Variants in PARD3B observed in about 807,000 individuals in gnomAD.
The protein encoded by PARD3B is par-3 family cell polarity regulator beta.
PARD3B carries 103 observed loss-of-function variants against 130.2 expected under a neutral mutation model. The ratio of observed to expected loss-of-function variants is 0.79; its 90% confidence interval spans 0.67 to 0.93. PARD3B has a LOEUF of 0.93. Ranked by LOEUF, PARD3B falls within the 40% of genes least tolerant of loss-of-function variation. PARD3B has a pLI of 0.00. For synonymous variants in PARD3B, 583 were observed against 553.2 expected (o/e 1.05, Z -0.76); for missense variants, 1,609 against 1,499.2 (o/e 1.07, Z -1.21).
rs184918472 is a variant in PARD3B, at chr2:204,843,425, C to T, written c.223-121727C>T. On this transcript the variant is annotated intron_variant, in intron 2 of 22. Coordinates refer to ENST00000406610, the MANE Select transcript of PARD3B (RefSeq NM_001302769.2). ...TCCTCTCCTTTTTCTTTTTTTTCTC[C>T]ATTGCCCTGGCTGAGGTACAGTGGC... 6.5e-4 allele frequency among the ~76,000 whole-genome samples: 98 copies of T among 151,622 alleles called. 1 individual carries two copies. The highest frequency in any genetic ancestry group is 3.7e-3 in the Admixed American group (56 of 15,238).
intron 4 of PARD3B, among the ~76,000 whole-genome samples, chr2:205,089,146 C>CTTTTTTT (rs34517258): frequency 7.0e-6 from 1 of 143,266 alleles, no homozygotes; most frequent in South Asian, 2.2e-4. Flanking sequence ...TTTTTTCTTT[C>CTTTTTTT]TTTTTTTTTT....
chr2:204,606,654 T>C lies in PARD3B; in HGVS notation c.120+60535T>C, dbSNP rs1439118232. Reference sequence around the variant, plus strand: ...TCAACCATTTATGAAGAAGCTCCAGTGGCTACCACAGATGACGCACTGGTC... The same window carrying C: ...TCAACCATTTATGAAGAAGCTCCAGCGGCTACCACAGATGACGCACTGGTC... On this transcript the variant is annotated intron_variant, in intron 1 of 22. Transcript: ENST00000406610. This position sits in a 1 kb window ranked among gnomAD's most constrained non-coding sequence, Gnocchi z 4.0. Among the ~76,000 whole-genome samples, 1 of 152,148 alleles carries C rather than the reference T, an allele frequency of 6.6e-6. No individual in the cohort carries two copies. The highest frequency in any genetic ancestry group is 2.4e-5 in the African/African-American group (1 of 41,446).
intron 4 of PARD3B, among the ~76,000 whole-genome samples, chr2:205,059,124 G>A (rs934128444): frequency 1.3e-5 from 2 of 151,810 alleles, no homozygotes; most frequent in African/African-American, 4.8e-5. Context: ...TTAGATAAGG[G>A]TCCAACTTCA....
In PARD3B at chr2:205,253,890, TAAG is replaced by T. The variant is rs1328812554; in HGVS notation, c.2185+8071_2185+8073del. On this transcript the variant is annotated intron_variant, in intron 16 of 22. Coordinates refer to ENST00000406610, the MANE Select transcript of PARD3B (RefSeq NM_001302769.2). The surrounding 1 kb of genome is among the most constrained non-coding windows in gnomAD (Gnocchi z 4.4). ...TCATAGTGGAGAACTGCATTTCAATTAAGAAAACAAAAACAAAAACACCACAGA... is the reference window on the plus strand; with the variant it reads ...TCATAGTGGAGAACTGCATTTCAATTAAAACAAAAACAAAAACACCACAGA... Among the ~76,000 whole-genome samples, 1 of 151,856 alleles carries T rather than the reference TAAG, an allele frequency of 6.6e-6. No individual in the cohort carries two copies. The highest frequency in any genetic ancestry group is 2.4e-5 in the African/African-American group (1 of 41,360).
In PARD3B at chr2:205,198,350, C is replaced by T. The variant is rs188700698; in HGVS notation, c.2140+5030C>T. ...TTCAGACGAAATTTTAGGAAGTTTCCTGACAATGAAGATTGTTAACATTCC... is the reference window on the plus strand; with the variant it reads ...TTCAGACGAAATTTTAGGAAGTTTCTTGACAATGAAGATTGTTAACATTCC... On this transcript the variant is annotated intron_variant, in intron 15 of 22. Coordinates refer to ENST00000406610, the MANE Select transcript of PARD3B (RefSeq NM_001302769.2). 8.5e-5 allele frequency among the ~76,000 whole-genome samples: 13 copies of T among 152,232 alleles called. No homozygotes were observed. The East Asian group carries it at 2.3e-3, about 27-fold the overall frequency.
Position 205,193,298 on chromosome 2 carries a change from A to T in PARD3B, c.2118A>T (p.Lys706Asn). 1 of 1,610,710 alleles carries T rather than the reference A, an allele frequency of 6.2e-7. No individual in the cohort carries two copies. Among genetic ancestry groups the T allele is most frequent in the South Asian group, 1.1e-5 (1 of 91,008 alleles). Reference protein sequence around the residue: ...PARQPESINLKASKSMDLVPD... With the variant: ...PARQPESINLNASKSMDLVPD... ...GGCAGCCTGAATCAATTAATTTGAA[A>T]GCCTCGAAGAGCATGGACCTTGGTA... is the stretch of plus-strand genomic sequence containing the variant. Residue 706 changes from lysine to asparagine, a missense_variant, in exon 15 of 23, where the codon AAA becomes AAT. Coordinates refer to ENST00000406610, the MANE Select transcript of PARD3B (RefSeq NM_001302769.2).
chr2:205,177,276 G>A (rs1279948778), intron 13 of PARD3B, among the ~76,000 whole-genome samples: 1 of 151,784 alleles, frequency 6.6e-6, no homozygotes, highest in Non-Finnish European at 1.5e-5. Flanking sequence ...AGAAAATTTA[G>A]AGAAAAGAAA....
At chr2:205,149,432 GTT>G (rs1351294650) in intron 10 of PARD3B, among the ~76,000 whole-genome samples, 1 of 152,098 alleles carries the variant, frequency 6.6e-6, no homozygotes, top group Non-Finnish European at 1.5e-5. Context: ...GTACCAATAA[GTT>G]TGTTTTCTAC....
intron 18 of PARD3B, among the ~76,000 whole-genome samples, chr2:205,320,541 T>C (rs1193299787): frequency 6.6e-6 from 1 of 152,200 alleles, no homozygotes; most frequent in African/African-American, 2.4e-5. Flanking sequence ...ATAGACTGTT[T>C]AACAATAATA....
At position 204,677,120 on chromosome 2, in the gene PARD3B, C is replaced by T. The variant is rs150222201; in HGVS notation, c.121-9061C>T. 1.3e-5 allele frequency among the ~76,000 whole-genome samples: 2 copies of T among 152,260 alleles called. No homozygotes were observed. The highest frequency in any genetic ancestry group is 4.1e-4 in the South Asian group (2 of 4,834). ...GGAGATCTCCTATGGTCATTTAACT[C>T]TCTGCTGTTACCTCTGTTGTCTCAG... On this transcript the variant is annotated intron_variant, in intron 1 of 22. Coordinates refer to ENST00000406610, the MANE Select transcript of PARD3B (RefSeq NM_001302769.2). The surrounding 1 kb of genome is among the most constrained non-coding windows in gnomAD (Gnocchi z 4.1).
At chr2:205,574,870 A>T (rs6743833) in intron 22 of PARD3B, among the ~76,000 whole-genome samples, 3 of 150,622 alleles carry the variant, frequency 2.0e-5, no homozygotes, top group African/African-American at 7.3e-5. Context: ...AAAAAAAAAA[A>T]AAAGAAAGAA....
rs139024591 is a variant in PARD3B, at chr2:205,568,732, C to T, written c.3260+15329C>T. On this transcript the variant is annotated intron_variant, in intron 22 of 22. Coordinates refer to ENST00000406610, the MANE Select transcript of PARD3B (RefSeq NM_001302769.2). The surrounding 1 kb of genome is among the most constrained non-coding windows in gnomAD (Gnocchi z 5.3). ...AACTTGGCCAAACTCAGGGATTCGT[C>T]AGATGGCCCTGGTCGTGTGTCTTCC... Among the ~76,000 whole-genome samples, 6 of 152,304 alleles carry T rather than the reference C, an allele frequency of 3.9e-5. No individual in the cohort carries two copies. The highest frequency in any genetic ancestry group is 8.8e-5 in the Non-Finnish European group (6 of 68,036).
intron 18 of PARD3B, among the ~76,000 whole-genome samples, chr2:205,383,842 A>C (rs994009646): frequency 2.0e-5 from 3 of 152,046 alleles, no homozygotes; most frequent in Non-Finnish European, 4.4e-5. Flanking sequence ...CATTAGCAAA[A>C]TGTACTTGGT....
chr2:205,538,474 C>T (rs1387439061), intron 21 of PARD3B, among the ~76,000 whole-genome samples: 3 of 139,526 alleles, frequency 2.2e-5, no homozygotes, highest in African/African-American at 3.1e-5. Context: ...CGTGTGTGTA[C>T]ACACACACAC....
At chr2:205,150,252 T>TGTGTGTGTGTGTGCGCGC (rs375301293) in intron 10 of PARD3B, among the ~76,000 whole-genome samples, 46 of 145,880 alleles carry the variant, frequency 3.2e-4, no homozygotes, top group African/African-American at 1.1e-3. Context: ...TGTGTGTGTG[T>TGTGTGTGTGTGTGCGCGC]GCACACACGC....
intron 3 of PARD3B, among the ~76,000 whole-genome samples, chr2:205,030,986 T>G (rs1336036136): frequency 6.6e-6 from 1 of 152,184 alleles, no homozygotes; most frequent in African/African-American, 2.4e-5. Flanking sequence ...ATTTTTCTCT[T>G]TGAAGACCAT....
chr2:205,150,211 CTGTGTGTGTGTGTGTGTGTGTGTG>C (rs71409001), intron 10 of PARD3B, among the ~76,000 whole-genome samples: 1 of 134,184 alleles, frequency 7.5e-6, no homozygotes, highest in African/African-American at 2.8e-5. Context: ...CAGCCAGGCT[CTGTGTGTGTGTGTGTGTGTGTGTG>C]TGTGTGTGTG....
intron 3 of PARD3B, among the ~76,000 whole-genome samples, chr2:205,019,295 T>C (rs1381447641): frequency 6.6e-6 from 1 of 152,218 alleles, no homozygotes; most frequent in Admixed American, 6.6e-5. Flanking sequence ...GGTTCATCCA[T>C]GCTGTAGCAA....
chr2:205,596,454 G>A (rs1257732921), intron 22 of PARD3B, among the ~76,000 whole-genome samples: 2 of 152,294 alleles, frequency 1.3e-5, no homozygotes, highest in East Asian at 1.9e-4. Context: ...GCTGTGGGGG[G>A]CCAACAGCAG....
Sources: allele counts gnomAD v4.1 joint callset (sites outside exome capture counted in the v4.1 genomes callset), GRCh38; gene constraint gnomAD v4.1.1; non-coding constraint Gnocchi (gnomAD v3.1); transcripts MANE v1.5; gene names NCBI Gene and HGNC (gene_info 2026-07-23, HGNC 2026-07-21).